Variants in NFIC observed in about 807,000 individuals in gnomAD.
NFIC encodes the protein nuclear factor 1 C-type.
Under a neutral mutation model 54.4 loss-of-function variants are expected in NFIC, and 12 were observed. The observed-to-expected ratio is 0.22, with a 90% CI of 0.14 to 0.36. The LOEUF (loss-of-function observed/expected upper bound fraction) is 0.36, where lower values mean the gene tolerates loss of function less well. NFIC is among the 10% of genes least tolerant of loss of function. NFIC has a pLI of 1.00. For missense variants in NFIC, 575 were observed against 718.2 expected (o/e 0.80, Z 2.28); for synonymous variants, 322 against 319.2 (o/e 1.01, Z -0.09).
In NFIC at chr19:3,465,884, C is replaced by G. The variant is rs1245472241; in HGVS notation, c.*3115C>G. 1 of 152,338 alleles carries G rather than the reference C, an allele frequency of 6.6e-6. No homozygotes were observed. Among genetic ancestry groups the G allele is most frequent in the Admixed American group, 6.5e-5 (1 of 15,278 alleles). The allele number at this position is 152,338 out of a possible 1,614,324, so 9.4% of individuals were successfully genotyped here. A position where few individuals can be genotyped will look rare whatever the true frequency, so the allele number is the denominator to read the frequency against. ...CCCACCTCAGAGGCACCCCCTCTCC[C>G]CTGCCCCGTGCATCCCCACCCTTCT... On this transcript the variant is annotated 3_prime_UTR_variant, in exon 11 of 11. Transcript: ENST00000443272.
chr19:3,454,066 C>T (rs1380192642), intron 9 of NFIC, 150 bp downstream of exon 9: 13 of 1,378,492 alleles, frequency 9.4e-6, no homozygotes, highest in Admixed American at 7.5e-5. Context: ...CCAGTGGCCA[C>T]GTGGTTGGGC....
At chr19:3,420,113 GAGTTCC>G (rs1225227070) in intron 2 of NFIC, among the ~76,000 whole-genome samples, 7 of 152,084 alleles carry the variant, frequency 4.6e-5, no homozygotes, top group African/African-American at 1.7e-4. Context: ...TTGAGCCCAG[GAGTTCC>G]AGACCAGCTA....
intron 2 of NFIC, among the ~76,000 whole-genome samples, chr19:3,417,097 G>T (rs558797421): frequency 2.0e-5 from 3 of 150,618 alleles, no homozygotes; most frequent in Admixed American, 2.0e-4. Context: ...ATGTTAGCCA[G>T]GATGGTCTCG....
chr19:3,453,410 T>C lies in NFIC; in HGVS notation c.1270-353T>C, dbSNP rs1430311707. On this transcript the variant is annotated intron_variant, in intron 8 of 10. Transcript: ENST00000443272. This position sits in a 1 kb window ranked among gnomAD's most constrained non-coding sequence, Gnocchi z 6.7. Reference sequence around the variant, plus strand: ...CCAGGCCGTGGATGATGGTGGATGATGGCGTGCTCGCAGTGAATTAGGAAA... The same window carrying C: ...CCAGGCCGTGGATGATGGTGGATGACGGCGTGCTCGCAGTGAATTAGGAAA... Among the ~76,000 whole-genome samples the C allele has an allele frequency of 6.6e-6, 1 of 152,168 alleles. No homozygotes were observed. Among genetic ancestry groups the C allele is most frequent in the African/African-American group, 2.4e-5 (1 of 41,430 alleles).
At chr19:3,384,390 T>C (rs962133635) in intron 2 of NFIC, among the ~76,000 whole-genome samples, 24 of 151,500 alleles carry the variant, frequency 1.6e-4, no homozygotes, top group East Asian at 5.9e-4. Context: ...TCTTTTTTTT[T>C]TTTCTTTCTT....
chr19:3,395,726 G>T (rs950790595), intron 2 of NFIC, among the ~76,000 whole-genome samples: 1 of 151,712 alleles, frequency 6.6e-6, no homozygotes, highest in African/African-American at 2.4e-5. Flanking sequence ...TGTCACCCAG[G>T]CTGGAGTGCA....
rs937680885 is a variant in NFIC, at chr19:3,463,540, G to A, written c.*771G>A. ...ACAAGCCCCTCCCAAAGCGCCGGCCGACTCGCTGTCTCGCTGGGGACTCTT... is the reference window on the plus strand; with the variant it reads ...ACAAGCCCCTCCCAAAGCGCCGGCCAACTCGCTGTCTCGCTGGGGACTCTT... On this transcript the variant is annotated 3_prime_UTR_variant, in exon 11 of 11. Coordinates refer to ENST00000443272, the MANE Select transcript of NFIC (RefSeq NM_001245002.2). 15 of 984,260 alleles carry A rather than the reference G, an allele frequency of 1.5e-5. No individual in the cohort carries two copies. Among genetic ancestry groups the A allele is most frequent in the Non-Finnish European group, 1.8e-5 (15 of 829,678 alleles). The allele number at this position is 984,260 out of a possible 1,614,324, so 61.0% of individuals were successfully genotyped here. A position where few individuals can be genotyped will look rare whatever the true frequency, so the allele number is the denominator to read the frequency against.
rs1004043249 is a variant in NFIC at position 3,405,551 on chromosome 19, G to C, written c.563-19555G>C. Among the ~76,000 whole-genome samples the C allele has an allele frequency of 6.6e-5, 10 of 152,018 alleles. 1 individual carries two copies. The highest frequency in any genetic ancestry group is 5.2e-4 in the Admixed American group (8 of 15,244). On this transcript the variant is annotated intron_variant, in intron 2 of 10. Transcript: ENST00000443272. ...GGAGGAAGTTCTCTATGGAGGATCA[G>C]GGTCCGTACTGGAATTCCTTTCTAT...
In NFIC at chr19:3,370,153, G is replaced by A. The variant is rs763306124; in HGVS notation, c.30+3487G>A. 1.2e-4 allele frequency among the ~76,000 whole-genome samples: 19 copies of A among 152,196 alleles called. No homozygotes were observed. The highest frequency in any genetic ancestry group is 4.1e-4 in the South Asian group (2 of 4,834). On this transcript the variant is annotated intron_variant, in intron 1 of 10. Coordinates refer to ENST00000443272, the MANE Select transcript of NFIC (RefSeq NM_001245002.2). The surrounding 1 kb of genome is among the most constrained non-coding windows in gnomAD (Gnocchi z 5.2). ...AGGGGGCCTGCAGCCCCTCAGTGCCGGGAGAGGGGCTAAGAGTCAGAGAGG... is the reference window on the plus strand; with the variant it reads ...AGGGGGCCTGCAGCCCCTCAGTGCCAGGAGAGGGGCTAAGAGTCAGAGAGG...
chr19:3,404,654 G>A (rs556138406), intron 2 of NFIC, among the ~76,000 whole-genome samples: 1 of 152,148 alleles, frequency 6.6e-6, no homozygotes, highest in East Asian at 1.9e-4. Flanking sequence ...AGCCTGCGCC[G>A]CCCAGACCTA....
intron 6 of NFIC, 75 bp downstream of exon 6, chr19:3,435,282 CA>C: frequency 6.2e-6 from 9 of 1,440,204 alleles, no homozygotes; most frequent in Non-Finnish European, 8.3e-6. Context: ...TTCCGGCAGC[CA>C]CTGCGCGGGC....
rs745982513 is a variant in NFIC at position 3,433,601 on chromosome 19, T to G, written c.709+9T>G. 6.2e-7 allele frequency: 1 copy of G among 1,613,480 alleles called. No homozygotes were observed. The highest frequency in any genetic ancestry group is 2.2e-5 in the East Asian group (1 of 44,858). On this transcript the variant is annotated intron_variant, in intron 4 of 10. Transcript: ENST00000443272. ...CATCCAAGTGTCCCGGAGTGAGTGTTCCCGTCAGCCCTGAGCTGGGTCTTG... is the reference window on the plus strand; with the variant it reads ...CATCCAAGTGTCCCGGAGTGAGTGTGCCCGTCAGCCCTGAGCTGGGTCTTG...
At chr19:3,364,784 G>A (rs1000065890), upstream of NFIC, among the ~76,000 whole-genome samples, 1 of 152,150 alleles carries the variant, frequency 6.6e-6, no homozygotes, top group Non-Finnish European at 1.5e-5. Context: ...CACGGGGTCT[G>A]GAAGTCTAGG....
At chr19:3,413,376 C>G (rs557858786) in intron 2 of NFIC, among the ~76,000 whole-genome samples, 1 of 152,248 alleles carries the variant, frequency 6.6e-6, no homozygotes, top group East Asian at 1.9e-4. Flanking sequence ...CAGGGTGTCA[C>G]AGAATCAAAA....
At position 3,425,266 on chromosome 19, in the gene NFIC, C is replaced by T. The variant is rs890625336; in HGVS notation, c.634+89C>T. 4 of 1,414,674 alleles carry T rather than the reference C, an allele frequency of 2.8e-6. No homozygotes were observed. The South Asian group carries it at 3.8e-5, about 14-fold the overall frequency. The allele number at this position is 1,414,674 out of a possible 1,614,324, so 87.6% of individuals were successfully genotyped here. ...TGGGAATCATTTGCTTGGCACCACT[C>T]GTTTTACAGATGAGCAGACTGAGGC... On this transcript the variant is annotated intron_variant, in intron 3 of 10. Coordinates refer to ENST00000443272, the MANE Select transcript of NFIC (RefSeq NM_001245002.2).
intron 2 of NFIC, among the ~76,000 whole-genome samples, chr19:3,423,928 C>G (rs1033315134): frequency 6.6e-6 from 1 of 152,282 alleles, no homozygotes; most frequent in East Asian, 1.9e-4. Context: ...CTCAGTTTCC[C>G]CATCTGTAAA....
chr19:3,451,764 C>T (rs934116631), intron 7 of NFIC, among the ~76,000 whole-genome samples: 5 of 151,630 alleles, frequency 3.3e-5, no homozygotes, highest in South Asian at 2.1e-4. Context: ...GCCGTGTGGC[C>T]CCAGGCAGGT....
At chr19:3,407,199 T>C (rs994929195) in intron 2 of NFIC, among the ~76,000 whole-genome samples, 3 of 151,636 alleles carry the variant, frequency 2.0e-5, no homozygotes, top group East Asian at 1.9e-4. Context: ...CTGCAAGCTC[T>C]GCCTCCCGGG....
chr19:3,438,131 G>A (rs2082233985), intron 6 of NFIC, among the ~76,000 whole-genome samples: 1 of 152,158 alleles, frequency 6.6e-6, no homozygotes, highest in Admixed American at 6.6e-5. Flanking sequence ...CTATTTATTA[G>A]GAGAGGAGAA....
Sources: gnomAD v4.1 joint callset for allele counts (sites outside exome capture counted in the v4.1 genomes callset) on GRCh38, gnomAD v4.1.1 for gene constraint, Gnocchi (gnomAD v3.1) non-coding constraint, MANE v1.5 for transcripts, NCBI Gene and HGNC (gene_info 2026-07-23, HGNC 2026-07-21) for gene names.